The following ENOX1 variants were observed in gnomAD, a reference collection of about 807,000 sequenced individuals.
ENOX1 encodes ecto-NOX disulfide-thiol exchanger 1.
Under a neutral mutation model 82.5 loss-of-function variants are expected in ENOX1, and 42 were observed. That is an observed-to-expected ratio of 0.51 (90% CI 0.40 to 0.66). ENOX1 has a LOEUF of 0.66. Ranked by LOEUF, ENOX1 falls within the 30% of genes least tolerant of loss-of-function variation. The pLI is 0.00. For missense variants in ENOX1, 608 were observed against 811.6 expected (o/e 0.75, Z 3.05); for synonymous variants, 271 against 282.2 (o/e 0.96, Z 0.40).
chr13:43,269,671 T>A, intron 12 of ENOX1, 94 bp from the exon 13 acceptor site: 3 of 981,820 alleles, frequency 3.1e-6, no homozygotes, highest in Non-Finnish European at 4.8e-6. Flanking sequence ...GAGTAGAAGA[T>A]GTTTACAAGT....
At chr13:43,288,867 A>G (rs1439434977) in intron 12 of ENOX1, among the ~76,000 whole-genome samples, 1 of 152,186 alleles carries the variant, frequency 6.6e-6, no homozygotes, top group Non-Finnish European at 1.5e-5. Flanking sequence ...TAAAATTAGT[A>G]AAGTTTCAGG....
chr13:43,346,955 C>T (rs908675200), intron 8 of ENOX1, among the ~76,000 whole-genome samples: 2 of 152,064 alleles, frequency 1.3e-5, no homozygotes, highest in Admixed American at 6.5e-5. Flanking sequence ...CTGTGAGTTT[C>T]ATGTCTACAT....
At chr13:43,574,561 TG>T (rs934600287) in intron 2 of ENOX1, among the ~76,000 whole-genome samples, 1 of 152,224 alleles carries the variant, frequency 6.6e-6, no homozygotes, top group African/African-American at 2.4e-5. Context: ...TCATGCATAC[TG>T]TTTCAAAAGT....
Position 43,540,416 on chromosome 13 carries a change from C to T in ENOX1, c.-218-56264G>A, listed in dbSNP as rs147146279. Among the ~76,000 whole-genome samples the T allele has an allele frequency of 4.2e-3, 640 of 151,830 alleles. 4 individuals carry two copies. The highest frequency in any genetic ancestry group is 0.013 in the African/African-American group (531 of 41,368). On this transcript the variant is annotated intron_variant, in intron 2 of 16. Transcript: ENST00000690772. ...TCCAAAGATCTCTGATGCAGGCTCT[C>T]GAATGCAGTTTCAGACAAGTTGAAA... is the stretch of plus-strand genomic sequence containing the variant.
intron 1 of ENOX1, among the ~76,000 whole-genome samples, chr13:43,684,114 T>A (rs901488918): frequency 0.023 from 1,317 of 56,538 alleles, 9 homozygotes; most frequent in Middle Eastern, 0.059. Flanking sequence ...AAAAAAAAAA[T>A]GTAACCTACT....
At chr13:43,231,478 C>T (rs1404377279) in intron 15 of ENOX1, among the ~76,000 whole-genome samples, 1 of 152,162 alleles carries the variant, frequency 6.6e-6, no homozygotes, top group Non-Finnish European at 1.5e-5. Flanking sequence ...TTGGTGAGTA[C>T]AAAACCTAAT....
chr13:43,302,909 C>A (rs2046661489), intron 11 of ENOX1, among the ~76,000 whole-genome samples: 1 of 152,202 alleles, frequency 6.6e-6, no homozygotes, highest in African/African-American at 2.4e-5. Context: ...AGTAAGCTGA[C>A]AGTCTGTTAA....
intron 15 of ENOX1, among the ~76,000 whole-genome samples, chr13:43,230,978 T>C (rs2042252292): frequency 6.6e-6 from 1 of 152,204 alleles, no homozygotes; most frequent in Non-Finnish European, 1.5e-5. Flanking sequence ...AAACTCTCTG[T>C]GTCAGGTTCT....
intron 2 of ENOX1, among the ~76,000 whole-genome samples, chr13:43,542,249 C>G (rs2078766613): frequency 6.6e-6 from 1 of 151,934 alleles, no homozygotes; most frequent in Non-Finnish European, 1.5e-5. Flanking sequence ...AAGCTATTCT[C>G]AGGCCTCAGC....
chr13:43,649,630 TCTATGACCTTGAAGAAGACATTTCC>T (rs2084061044), intron 2 of ENOX1, among the ~76,000 whole-genome samples: 2 of 152,132 alleles, frequency 1.3e-5, no homozygotes, highest in Admixed American at 1.3e-4. Flanking sequence ...ATATAATAAC[TCTATGACCTTGAAGAAGACATTTCC>T]CTGACATAGC....
chr13:43,394,348 T>G (rs1160527128), intron 5 of ENOX1, among the ~76,000 whole-genome samples: 1 of 152,224 alleles, frequency 6.6e-6, no homozygotes, highest in Non-Finnish European at 1.5e-5. Context: ...TGGCATGTTC[T>G]TCATTAGGCA....
chr13:43,509,675 G>A (rs1246060413), intron 2 of ENOX1, among the ~76,000 whole-genome samples: 4 of 152,100 alleles, frequency 2.6e-5, no homozygotes, highest in African/African-American at 9.7e-5. Context: ...ATTACAGTCT[G>A]TGGATGGTAT....
intron 2 of ENOX1, among the ~76,000 whole-genome samples, chr13:43,514,649 T>A (rs1015873858): frequency 1.3e-5 from 2 of 152,160 alleles, no homozygotes; most frequent in African/African-American, 4.8e-5. Flanking sequence ...CCATACTCAG[T>A]TGTCTAAAGC....
chr13:43,542,145 T>A (rs935213576), intron 2 of ENOX1, among the ~76,000 whole-genome samples: 1 of 152,164 alleles, frequency 6.6e-6, no homozygotes, highest in East Asian at 1.9e-4. Context: ...TCTTCTTTTT[T>A]TTCTTTTTTT....
At chr13:43,562,152 A>C (rs1410329969) in intron 2 of ENOX1, among the ~76,000 whole-genome samples, 1 of 152,118 alleles carries the variant, frequency 6.6e-6, no homozygotes, top group Non-Finnish European at 1.5e-5. Context: ...ACCAATGCAA[A>C]ATAATAGTTA....
intron 5 of ENOX1, among the ~76,000 whole-genome samples, chr13:43,379,762 A>T (rs1208387397): frequency 6.6e-6 from 1 of 151,964 alleles, no homozygotes; most frequent in Non-Finnish European, 1.5e-5. Flanking sequence ...TAATGGCTGA[A>T]GATTATCCAA....
At chr13:43,578,864 T>C (rs1477472471) in intron 2 of ENOX1, among the ~76,000 whole-genome samples, 2 of 152,300 alleles carry the variant, frequency 1.3e-5, no homozygotes, top group Non-Finnish European at 2.9e-5. Context: ...CCCCCAATGA[T>C]ATATAAAACT....
intron 1 of ENOX1, among the ~76,000 whole-genome samples, chr13:43,690,921 G>A (rs547090678): frequency 6.6e-5 from 10 of 152,262 alleles, no homozygotes; most frequent in South Asian, 2.1e-4. Flanking sequence ...GCAAGAGTTC[G>A]CCAACACCAT....
chr13:43,338,545 C>A (rs1017575773), intron 9 of ENOX1, among the ~76,000 whole-genome samples: 1 of 151,916 alleles, frequency 6.6e-6, no homozygotes, highest in Non-Finnish European at 1.5e-5. Context: ...GAGGAGAAAG[C>A]CCCAGGTGCC....
Sources: allele counts gnomAD v4.1 joint callset (sites outside exome capture counted in the v4.1 genomes callset), GRCh38; gene constraint gnomAD v4.1.1; transcripts MANE v1.5; gene names NCBI Gene and HGNC (gene_info 2026-07-23, HGNC 2026-07-21).